The following CTNNA3 variants were observed in gnomAD, a reference collection of about 807,000 sequenced individuals.
CTNNA3 encodes catenin alpha-3.
A neutral mutation model predicts 95.7 loss-of-function variants in CTNNA3; 76 were observed. The observed-to-expected ratio is 0.79, with a 90% CI of 0.66 to 0.96. The LOEUF (loss-of-function observed/expected upper bound fraction) is 0.96, where lower values mean the gene tolerates loss of function less well. Among genes scored for constraint, CTNNA3 ranks in the 40% least tolerant of loss-of-function variants. The pLI is 0.00. For synonymous variants in CTNNA3, 431 were observed against 374.4 expected (o/e 1.15, Z -1.74); for missense variants, 1,191 against 1,089.8 (o/e 1.09, Z -1.31).
At chr10:65,950,374 A>C (rs1368714691) in intron 17 of CTNNA3, among the ~76,000 whole-genome samples, 1 of 150,788 alleles carries the variant, frequency 6.6e-6, no homozygotes, top group East Asian at 1.9e-4. Context: ...GCACTTTACT[A>C]TCCTAGAATC....
chr10:66,157,410 T>C (rs907444181), intron 13 of CTNNA3, among the ~76,000 whole-genome samples: 2 of 97,020 alleles, frequency 2.1e-5, no homozygotes, highest in African/African-American at 7.2e-5. Flanking sequence ...CTATCATAGA[T>C]AGGTAGGTAG....
intron 7 of CTNNA3, among the ~76,000 whole-genome samples, chr10:66,922,274 A>G (rs1846827527): frequency 6.6e-6 from 1 of 152,274 alleles, no homozygotes; most frequent in Non-Finnish European, 1.5e-5. Context: ...TTCTAAATAC[A>G]TAATGCAATA....
intron 12 of CTNNA3, among the ~76,000 whole-genome samples, chr10:66,313,727 G>A (rs1050673213): frequency 7.9e-5 from 12 of 152,232 alleles, no homozygotes; most frequent in African/African-American, 2.7e-4. Flanking sequence ...CAATTGCCAT[G>A]ACAATGACAT....
intron 5 of CTNNA3, among the ~76,000 whole-genome samples, chr10:67,351,358 T>G (rs938554484): frequency 7.2e-6 from 1 of 138,024 alleles, no homozygotes; most frequent in Admixed American, 7.9e-5. Flanking sequence ...TTTTACTGTA[T>G]ATGAATTAAA....
intron 12 of CTNNA3, among the ~76,000 whole-genome samples, chr10:66,310,873 C>T (rs768319676): frequency 7.2e-5 from 11 of 151,736 alleles, no homozygotes; most frequent in Admixed American, 5.3e-4. Flanking sequence ...TTAGTAGAGA[C>T]GGGGTTTCAC....
At chr10:67,140,601 T>G (rs1860512950) in intron 7 of CTNNA3, among the ~76,000 whole-genome samples, 1 of 152,170 alleles carries the variant, frequency 6.6e-6, no homozygotes, top group Non-Finnish European at 1.5e-5. Flanking sequence ...CAAGTATAAT[T>G]TAAAAGACAG....
At chr10:66,002,985 C>A (rs1374799949) in intron 15 of CTNNA3, among the ~76,000 whole-genome samples, 1 of 152,044 alleles carries the variant, frequency 6.6e-6, no homozygotes, top group Non-Finnish European at 1.5e-5. Flanking sequence ...GGCTGTGTTC[C>A]TTGTGAAAGG....
intron 7 of CTNNA3, among the ~76,000 whole-genome samples, chr10:66,808,780 AGTGCTT>A (rs1232317879): frequency 1.3e-5 from 2 of 152,166 alleles, no homozygotes; most frequent in African/African-American, 2.4e-5. Context: ...ACAGTGTCTC[AGTGCTT>A]GTGTTCCAAT....
chr10:66,905,709 A>G (rs527856079), intron 7 of CTNNA3, among the ~76,000 whole-genome samples: 2 of 152,328 alleles, frequency 1.3e-5, no homozygotes, highest in South Asian at 4.1e-4. Context: ...AAATTTTGCT[A>G]CATGCATTAC....
chr10:66,462,188 A>G (rs1048171028), intron 11 of CTNNA3, among the ~76,000 whole-genome samples: 1 of 152,080 alleles, frequency 6.6e-6, no homozygotes. Flanking sequence ...TAACCTTTTT[A>G]TCCCTCAGAA....
intron 12 of CTNNA3, among the ~76,000 whole-genome samples, chr10:66,320,304 TTC>T (rs1381315282): frequency 1.3e-5 from 2 of 152,124 alleles, no homozygotes; most frequent in Non-Finnish European, 2.9e-5. Context: ...ATTTATGCAC[TTC>T]TTTTTCTTGC....
At chr10:67,320,667 C>T (rs550653338) in intron 5 of CTNNA3, among the ~76,000 whole-genome samples, 2 of 152,078 alleles carry the variant, frequency 1.3e-5, no homozygotes, top group South Asian at 4.1e-4. Flanking sequence ...AATAAGCATG[C>T]CTGGTAGGTA....
intron 13 of CTNNA3, among the ~76,000 whole-genome samples, chr10:66,190,794 A>G (rs2086626313): frequency 1.3e-5 from 2 of 152,066 alleles, no homozygotes; most frequent in African/African-American, 4.8e-5. Flanking sequence ...CAGTGGTTCA[A>G]AAGAAAAAGA....
intron 9 of CTNNA3, among the ~76,000 whole-genome samples, chr10:66,715,689 G>A (rs753323121): frequency 6.6e-6 from 1 of 152,048 alleles, no homozygotes; most frequent in Non-Finnish European, 1.5e-5. Context: ...TGATGAGATA[G>A]CAATGTTTAG....
intron 2 of CTNNA3, among the ~76,000 whole-genome samples, chr10:67,635,306 C>G (rs1839272419): frequency 1.3e-5 from 2 of 152,176 alleles, no homozygotes; most frequent in African/African-American, 2.4e-5. Context: ...AGGGACTCCT[C>G]TCTAACTCAT....
intron 7 of CTNNA3, among the ~76,000 whole-genome samples, chr10:67,154,181 T>C (rs1439686988): frequency 6.6e-6 from 1 of 152,162 alleles, no homozygotes; most frequent in Non-Finnish European, 1.5e-5. Context: ...TTTTATAACT[T>C]TTACGATAAG....
At chr10:67,727,000 A>T (rs1435401259) in intron 1 of CTNNA3, among the ~76,000 whole-genome samples, 1 of 117,282 alleles carries the variant, frequency 8.5e-6, no homozygotes, top group Non-Finnish European at 1.6e-5. Flanking sequence ...AATTATATAT[A>T]ATATATGATA....
chr10:66,590,145 T>A (rs1176233183), intron 10 of CTNNA3, among the ~76,000 whole-genome samples: 2 of 152,100 alleles, frequency 1.3e-5, no homozygotes, highest in Non-Finnish European at 2.9e-5. Flanking sequence ...TTTACAGGTA[T>A]AAACTAAGTT....
At chr10:66,351,802 T>C (rs1490464586) in intron 12 of CTNNA3, among the ~76,000 whole-genome samples, 2 of 151,988 alleles carry the variant, frequency 1.3e-5, no homozygotes, top group African/African-American at 4.8e-5. Context: ...ATATTAAAGA[T>C]CTCTCATATA....
Sources: gnomAD v4.1 joint callset for allele counts (sites outside exome capture counted in the v4.1 genomes callset) on GRCh38, gnomAD v4.1.1 for gene constraint, MANE v1.5 for transcripts, NCBI Gene and HGNC (gene_info 2026-07-23, HGNC 2026-07-21) for gene names.